ARHGEF4: variants seen among roughly 807,000 people sequenced by gnomAD.
ARHGEF4 encodes the protein APC-stimulated guanine nucleotide exchange factor 1.
ARHGEF4 carries 119 observed loss-of-function variants against 162.0 expected under a neutral mutation model. The ratio of observed to expected loss-of-function variants is 0.73; its 90% CI spans 0.63 to 0.86. The LOEUF (loss-of-function observed/expected upper bound fraction) is 0.86, where lower values mean the gene tolerates loss of function less well. ARHGEF4 is among the 40% of genes least tolerant of loss of function. The probability of loss-of-function intolerance (pLI) is 0.00; values close to 1 mark genes in which losing one functional copy is unlikely to be tolerated. For synonymous variants in ARHGEF4, 1,014 were observed against 979.9 expected (o/e 1.03, Z -0.65); for missense variants, 2,488 against 2,456.0 (o/e 1.01, Z -0.28).
intron 4 of ARHGEF4, among the ~76,000 whole-genome samples, chr2:131,009,202 G>T (rs1688304541): frequency 6.6e-6 from 1 of 152,184 alleles, no homozygotes; most frequent in Non-Finnish European, 1.5e-5. Context: ...TTTTTCTGAA[G>T]ATGTATTTAT....
intron 1 of ARHGEF4, among the ~76,000 whole-genome samples, chr2:130,839,040 G>A (rs1680417665): frequency 6.6e-6 from 1 of 152,066 alleles, no homozygotes; most frequent in Non-Finnish European, 1.5e-5. Flanking sequence ...GACACCTGAG[G>A]CCTCCCCATG....
intron 1 of ARHGEF4, among the ~76,000 whole-genome samples, chr2:130,871,400 G>C (rs1002620922): frequency 4.6e-5 from 7 of 151,956 alleles, no homozygotes; most frequent in African/African-American, 1.7e-4. Flanking sequence ...GCCAGGCTTG[G>C]TGGTGGGCAC....
intron 4 of ARHGEF4, among the ~76,000 whole-genome samples, chr2:130,974,696 A>C (rs1685587806): frequency 6.6e-6 from 1 of 151,732 alleles, no homozygotes; most frequent in Non-Finnish European, 1.5e-5. Context: ...TCCTGAGCTC[A>C]AGCAATCCAC....
At chr2:130,969,491 C>A (rs534297594) in intron 4 of ARHGEF4, among the ~76,000 whole-genome samples, 1 of 151,394 alleles carries the variant, frequency 6.6e-6, no homozygotes, top group African/African-American at 2.4e-5. Flanking sequence ...CCCAGCTACT[C>A]GGGAGGCTGA....
At chr2:130,993,149 A>G (rs1398285402) in intron 4 of ARHGEF4, among the ~76,000 whole-genome samples, 1 of 152,182 alleles carries the variant, frequency 6.6e-6, no homozygotes, top group East Asian at 1.9e-4. Flanking sequence ...AAGGCTATAT[A>G]TTTTCCTCCA....
chr2:130,920,019 T>G (rs1159892407), intron 2 of ARHGEF4, among the ~76,000 whole-genome samples: 2 of 152,210 alleles, frequency 1.3e-5, no homozygotes, highest in Non-Finnish European at 2.9e-5. Context: ...GTGCATGGGA[T>G]GGAGCAGGTG....
intron 1 of ARHGEF4, among the ~76,000 whole-genome samples, chr2:130,902,575 C>T (rs1435685304): frequency 6.6e-6 from 1 of 151,212 alleles, no homozygotes; most frequent in Non-Finnish European, 1.5e-5. Flanking sequence ...GCCTGAGCGA[C>T]AGAGCGAGAC....
At chr2:130,997,450 T>C (rs1011354347) in intron 4 of ARHGEF4, among the ~76,000 whole-genome samples, 8 of 152,232 alleles carry the variant, frequency 5.3e-5, no homozygotes, top group Admixed American at 4.6e-4. Context: ...CTTTTGTTTC[T>C]TGTGCTTCAC....
At chr2:131,035,087 G>A in intron 5 of ARHGEF4, 2 of 1,048,170 alleles carry the variant, frequency 1.9e-6, no homozygotes, top group Non-Finnish European at 2.3e-6. Context: ...GGGAGGCCGG[G>A]CGCCATGGCG....
At chr2:131,008,664 T>A (rs1001904766) in intron 4 of ARHGEF4, among the ~76,000 whole-genome samples, 1 of 152,178 alleles carries the variant, frequency 6.6e-6, no homozygotes, top group Non-Finnish European at 1.5e-5. Flanking sequence ...CCTATCTTTA[T>A]TATTGGCTTA....
intron 1 of ARHGEF4, among the ~76,000 whole-genome samples, chr2:130,888,440 C>T (rs34838157): frequency 0.18 from 27,091 of 151,684 alleles, 2,932 homozygotes; most frequent in East Asian, 0.33. Flanking sequence ...CATTGCACTC[C>T]AGCCTGGCTG....
intron 5 of ARHGEF4, among the ~76,000 whole-genome samples, chr2:131,029,060 G>T (rs895628027): frequency 6.6e-6 from 1 of 152,098 alleles, no homozygotes; most frequent in Non-Finnish European, 1.5e-5. Context: ...TCTAGATGAT[G>T]ATTTAAAACA....
chr2:130,902,582 A>T (rs952194425), intron 1 of ARHGEF4, among the ~76,000 whole-genome samples: 3 of 151,878 alleles, frequency 2.0e-5, no homozygotes, highest in African/African-American at 7.2e-5. Context: ...CGACAGAGCG[A>T]GACTCCATCT....
At chr2:130,920,477 G>A (rs940628534) in intron 2 of ARHGEF4, among the ~76,000 whole-genome samples, 3 of 152,170 alleles carry the variant, frequency 2.0e-5, no homozygotes, top group African/African-American at 4.8e-5. Flanking sequence ...CTAGTACACT[G>A]CGCCATCAGA....
At chr2:130,935,358 A>G (rs1016944263) in intron 3 of ARHGEF4, among the ~76,000 whole-genome samples, 6 of 152,002 alleles carry the variant, frequency 3.9e-5, no homozygotes, top group Non-Finnish European at 8.8e-5. Context: ...TTCTATTACT[A>G]TATTTAATGT....
At chr2:131,013,590 TTTGATTGA>T (rs538220396) in intron 4 of ARHGEF4, among the ~76,000 whole-genome samples, 3 of 152,106 alleles carry the variant, frequency 2.0e-5, no homozygotes, top group Non-Finnish European at 4.4e-5. Context: ...AATTTGTTTG[TTTGATTGA>T]TTGATTGATT....
intron 1 of ARHGEF4, among the ~76,000 whole-genome samples, chr2:130,844,373 C>T (rs1455818890): frequency 2.6e-5 from 4 of 152,172 alleles, no homozygotes; most frequent in South Asian, 4.1e-4. Context: ...GTAAAGGAGG[C>T]GGGGCGCCCT....
Position 131,028,080 on chromosome 2 carries a change from A to G in ARHGEF4, c.4121A>G (p.Asn1374Ser), listed in dbSNP as rs770184813. Residue 1374 changes from asparagine to serine, a missense_variant, in exon 5 of 14, where the codon AAT (asparagine) becomes AGT (serine). Transcript: ENST00000409359. ...GGGGGTGGGGAGCAGCTGGCTATCA[A>G]TGAGGTAGGGTCAGGGCTGCACGGG... ...PGGGGEQLAINELISDGSVVC... is the reference protein window; with the variant it reads ...PGGGGEQLAISELISDGSVVC... The G allele has an allele frequency of 5.0e-6, 8 of 1,613,688 alleles. No individual in the cohort carries two copies. The highest frequency in any genetic ancestry group is 3.3e-5 in the Admixed American group (2 of 59,994).
intron 4 of ARHGEF4, among the ~76,000 whole-genome samples, chr2:131,021,487 G>A (rs1689131486): frequency 6.6e-6 from 1 of 152,090 alleles, no homozygotes; most frequent in African/African-American, 2.4e-5. Context: ...ATTCAAGATG[G>A]ATTAAAGACT....
Sources: allele counts gnomAD v4.1 joint callset (sites outside exome capture counted in the v4.1 genomes callset), GRCh38; gene constraint gnomAD v4.1.1; transcripts MANE v1.5; gene names NCBI Gene and HGNC (gene_info 2026-07-23, HGNC 2026-07-21).